Variants in NOL10 observed in about 807,000 individuals in gnomAD.
NOL10 encodes the protein nucleolar protein 10.
In NOL10, 58 loss-of-function variants were observed where a neutral mutation model predicts 103.5. The ratio of observed to expected loss-of-function variants is 0.56; its 90% CI spans 0.45 to 0.70. NOL10 has a LOEUF of 0.70. NOL10 is among the 30% of genes least tolerant of loss of function. The pLI is 0.00. For missense variants in NOL10, 763 were observed against 807.3 expected (o/e 0.95, Z 0.67); for synonymous variants, 287 against 282.5 (o/e 1.02, Z -0.16).
At position 10,605,655 on chromosome 2, in the gene NOL10, T is replaced by C. The variant is rs117784495; in HGVS notation, c.1153+1530A>G. Among the ~76,000 whole-genome samples, 89 of 152,218 alleles carry C rather than the reference T, an allele frequency of 5.8e-4. 3 individuals carry two copies. The East Asian group carries it at 0.014, about 24-fold the overall frequency. On this transcript the variant is annotated intron_variant, in intron 14 of 20. Transcript: ENST00000381685. ...AAAAGAACCCAAAATGTACTAAACA[T>C]AGTAGTTTTTAAAAAATCCATAAAA...
rs1363371413 is a variant in NOL10, at chr2:10,671,544, G to A, written c.464+10C>T. Reference sequence around the variant, plus strand: ...AGGTGAAAAGGAGAAAAAGGGACTGGATCCAATACCTTGCACCAACAAAGT... The same window carrying A: ...AGGTGAAAAGGAGAAAAAGGGACTGAATCCAATACCTTGCACCAACAAAGT... On this transcript the variant is annotated intron_variant, in intron 6 of 20. Transcript: ENST00000381685. 1 of 1,582,060 alleles carries A rather than the reference G, an allele frequency of 6.3e-7. No homozygotes were observed. Among genetic ancestry groups the A allele is most frequent in the South Asian group, 1.2e-5 (1 of 83,976 alleles).
At chr2:10,584,918 A>G (rs1389832285) in intron 19 of NOL10, among the ~76,000 whole-genome samples, 1 of 152,136 alleles carries the variant, frequency 6.6e-6, no homozygotes, top group Non-Finnish European at 1.5e-5. Flanking sequence ...TCCATATCCT[A>G]CTACAGCCCC....
chr2:10,579,083 G>A (rs919707074), intron 19 of NOL10, among the ~76,000 whole-genome samples: 1 of 152,142 alleles, frequency 6.6e-6, no homozygotes, highest in Non-Finnish European at 1.5e-5. Flanking sequence ...ACAAAGTGAT[G>A]CTTCTTTGAA....
intron 17 of NOL10, 80 bp from the exon 18 acceptor site, chr2:10,589,831 G>T: frequency 1.2e-6 from 1 of 832,784 alleles, no homozygotes; most frequent in Non-Finnish European, 1.8e-6. Context: ...TTAAAACACT[G>T]ATTCTATTAT....
At position 10,667,219 on chromosome 2, in the gene NOL10, T is replaced by A. The variant is rs1158465476; in HGVS notation, c.590A>T (p.Glu197Val). ...AAAATAAAGTCAACATATGCTTACC[T>A]CTATGGTTCCTGTGGCAAACAAGCC... ...VHGLFATGTI[E>V]GRVECWDPRT... Residue 197 changes from glutamate to valine, a missense_variant and splice_region_variant, in exon 8 of 21, where the codon GAG becomes GTG. By Grantham distance (121) the Glu-to-Val change is moderately radical. Coordinates refer to ENST00000381685, the MANE Select transcript of NOL10 (RefSeq NM_024894.4). The A allele has an allele frequency of 7.6e-6, 12 of 1,577,496 alleles. No homozygotes were observed. The highest frequency in any genetic ancestry group is 1.0e-5 in the Non-Finnish European group (12 of 1,159,030).
At chr2:10,574,209 T>C (rs1674332742) in intron 20 of NOL10, among the ~76,000 whole-genome samples, 1 of 152,152 alleles carries the variant, frequency 6.6e-6, no homozygotes, top group African/African-American at 2.4e-5. Context: ...TCAATACACA[T>C]GCGTTAATGG....
chr2:10,630,240 A>C (rs905390460), intron 13 of NOL10, among the ~76,000 whole-genome samples: 4 of 152,244 alleles, frequency 2.6e-5, no homozygotes, highest in African/African-American at 9.6e-5. Context: ...TTTGTTGCTC[A>C]AGAAACTAGT....
In NOL10 at chr2:10,689,884, G is replaced by A. The variant is rs771195582; in HGVS notation, c.-23C>T. On this transcript the variant is annotated 5_prime_UTR_variant, in exon 1 of 21. Coordinates refer to ENST00000381685, the MANE Select transcript of NOL10 (RefSeq NM_024894.4). ...CATGGCGCCGCACAACACTGTTCAA[G>A]TCCCGGGTCCTTTCCCACCAGCGTG... 23 of 1,593,770 alleles carry A rather than the reference G, an allele frequency of 1.4e-5. No homozygotes were observed. Among genetic ancestry groups the A allele is most frequent in the African/African-American group, 2.7e-5 (2 of 74,516 alleles).
intron 3 of NOL10, among the ~76,000 whole-genome samples, chr2:10,680,326 G>C (rs1054132154): frequency 1.5e-5 from 1 of 66,794 alleles, no homozygotes; most frequent in Non-Finnish European, 2.7e-5. Context: ...AGGGAGAAGA[G>C]GGAGAGGGAG....
chr2:10,589,404 A>G, intron 18 of NOL10, 114 bp from the exon 19 acceptor site: 1 of 1,393,954 alleles, frequency 7.2e-7, no homozygotes, highest in Non-Finnish European at 9.7e-7. Context: ...GCTCTACTGC[A>G]TGCATCAGGA....
At chr2:10,622,259 C>T (rs991382952) in intron 13 of NOL10, 3 of 449,826 alleles carry the variant, frequency 6.7e-6, no homozygotes, top group African/African-American at 4.1e-5. Flanking sequence ...GCTTGATTTA[C>T]GTGCTGACCA....
intron 3 of NOL10, among the ~76,000 whole-genome samples, chr2:10,681,514 C>A (rs1681754852): frequency 6.6e-6 from 1 of 152,146 alleles, no homozygotes; most frequent in African/African-American, 2.4e-5. Flanking sequence ...CTTGATAGAG[C>A]TTTGAGTTAC....
Position 10,689,914 on chromosome 2 carries a change from A to G in NOL10, c.-53T>C. ...GGGTCCTTTCCCACCAGCGTGCTCG[A>G]GCACCGTAATCCCGGGACCTCCGAG... On this transcript the variant is annotated 5_prime_UTR_variant, in exon 1 of 21. Transcript: ENST00000381685. The G allele has an allele frequency of 2.6e-6, 4 of 1,539,750 alleles. No homozygotes were observed. Among genetic ancestry groups the G allele is most frequent in the South Asian group, 2.4e-5 (2 of 84,482 alleles).
chr2:10,625,299 T>C (rs1677390452), intron 13 of NOL10, among the ~76,000 whole-genome samples: 1 of 152,138 alleles, frequency 6.6e-6, no homozygotes, highest in South Asian at 2.1e-4. Context: ...TCAATGTCTG[T>C]TCACTGGCTG....
chr2:10,669,230 T>G (rs1572414011), intron 6 of NOL10, among the ~76,000 whole-genome samples: 1 of 151,510 alleles, frequency 6.6e-6, no homozygotes, highest in African/African-American at 2.4e-5. Context: ...GGTTTCACCA[T>G]GTTGGCCAGG....
At chr2:10,594,588 T>G (rs1308128888) in intron 17 of NOL10, among the ~76,000 whole-genome samples, 1 of 152,212 alleles carries the variant, frequency 6.6e-6, no homozygotes, top group Non-Finnish European at 1.5e-5. Context: ...GGGTGTTGAT[T>G]AGTGATAACT....
In NOL10 at chr2:10,623,848, C is replaced by A. The variant is rs572391580; in HGVS notation, c.1027-16537G>T. Reference sequence around the variant, plus strand: ...ATTAAAACAACAATAAGATACTATACGCTATAAATCGATTAGAATGGCTAA... The same window carrying A: ...ATTAAAACAACAATAAGATACTATAAGCTATAAATCGATTAGAATGGCTAA... On this transcript the variant is annotated intron_variant, in intron 13 of 20. Transcript: ENST00000381685. Among the ~76,000 whole-genome samples, 3 of 152,252 alleles carry A rather than the reference C, an allele frequency of 2.0e-5. No individual in the cohort carries two copies. In the South Asian group the frequency reaches 6.2e-4, roughly 32 times the overall value.
chr2:10,680,909 T>C (rs1048030100), intron 3 of NOL10, among the ~76,000 whole-genome samples: 3 of 152,230 alleles, frequency 2.0e-5, no homozygotes, highest in Admixed American at 2.0e-4. Flanking sequence ...TAACGATAAA[T>C]ACTGTTAATG....
At chr2:10,573,351 G>C (rs1467826721) in intron 20 of NOL10, among the ~76,000 whole-genome samples, 1 of 151,978 alleles carries the variant, frequency 6.6e-6, no homozygotes, top group Admixed American at 6.6e-5. Context: ...CCGCCACCAC[G>C]CCCGGCTAAT....
Sources: allele counts gnomAD v4.1 joint callset (sites outside exome capture counted in the v4.1 genomes callset), GRCh38; gene constraint gnomAD v4.1.1; transcripts MANE v1.5; gene names NCBI Gene and HGNC (gene_info 2026-07-23, HGNC 2026-07-21).